Variants in ELN observed in about 807,000 individuals in gnomAD.
The protein encoded by ELN is elastin, also known as tropoelastin.
In ELN, 65 loss-of-function variants were observed where a neutral mutation model predicts 105.8. That is an observed-to-expected ratio of 0.61 (90% CI 0.50 to 0.75). The LOEUF is 0.75. Ranked by LOEUF, ELN falls within the 30% of genes least tolerant of loss-of-function variation. The pLI, the probability that ELN is intolerant of heterozygous loss-of-function variation, is 0.00. For synonymous variants in ELN, 368 were observed against 389.2 expected, an observed-to-expected ratio of 0.95 and a Z score of 0.64; for missense variants, 882 against 969.4, an observed-to-expected ratio of 0.91 and a Z score of 1.20.
intron 26 of ELN, among the ~76,000 whole-genome samples, chr7:74,062,849 C>T (rs1322645047): frequency 6.6e-6 from 1 of 152,174 alleles, no homozygotes. Flanking sequence ...CCGCACCCGG[C>T]TTACAAAAGA....
At chr7:74,052,936 GA>G (rs1239421107) in intron 17 of ELN, 1 of 593,986 alleles carries the variant, frequency 1.7e-6, no homozygotes, top group Non-Finnish European at 3.0e-6. Context: ...AAAAGAAAAA[GA>G]AAGAGATCAC....
At position 74,045,381 on chromosome 7, in the gene ELN, C is replaced by G. The variant is rs531494246; in HGVS notation, c.541+88C>G. ...GTGTGAAATGGGGTGGGATCCTGGACTGGCTCAGGGCCCTCTGGGTGACAC... is the reference window on the plus strand; with the variant it reads ...GTGTGAAATGGGGTGGGATCCTGGAGTGGCTCAGGGCCCTCTGGGTGACAC... On this transcript the variant is annotated intron_variant, in intron 10 of 32. Transcript: ENST00000252034. 3 of 1,479,480 alleles carry G rather than the reference C, an allele frequency of 2.0e-6. No homozygotes were observed. The African/African-American group carries it at 4.1e-5, about 20-fold the overall frequency. The allele number at this position is 1,479,480 out of a possible 1,614,324, so 91.6% of individuals were successfully genotyped here.
intron 1 of ELN, among the ~76,000 whole-genome samples, chr7:74,031,798 A>AGAGAGAGAGAGAGAGAGAAAG (rs1414600441): frequency 1.4e-5 from 2 of 146,524 alleles, no homozygotes; most frequent in Non-Finnish European, 3.0e-5. Flanking sequence ...AAAGAAAGAA[A>AGAGAGAGAGAGAGAGAGAAAG]GAGAGAGAGA....
chr7:74,029,438 G>A lies in ELN; in HGVS notation c.82+1169G>A, dbSNP rs535541761. Reference sequence around the variant, plus strand: ...ACGGGGGAGGACAGAAGAGGCTCCCGGGCATGGGAAAAAGGAGGGCATTTG... The same window carrying A: ...ACGGGGGAGGACAGAAGAGGCTCCCAGGCATGGGAAAAAGGAGGGCATTTG... On this transcript the variant is annotated intron_variant, in intron 1 of 32. Coordinates refer to ENST00000252034, the MANE Select transcript of ELN (RefSeq NM_000501.4). Among the ~76,000 whole-genome samples, 9 of 152,184 alleles carry A rather than the reference G, an allele frequency of 5.9e-5. No homozygotes were observed. The East Asian group carries it at 7.7e-4, about 13-fold the overall frequency.
intron 32 of ELN, among the ~76,000 whole-genome samples, chr7:74,068,056 T>C (rs1445802676): frequency 6.6e-6 from 1 of 151,650 alleles, no homozygotes; most frequent in African/African-American, 2.4e-5. Flanking sequence ...GGTTAGGAAC[T>C]GCTCCGGGCC....
chr7:74,046,798 A>G (rs782351025), intron 12 of ELN, 31 bp downstream of exon 12: 1 of 1,612,780 alleles, frequency 6.2e-7, no homozygotes, highest in East Asian at 2.2e-5. Flanking sequence ...AAGATGCACC[A>G]CTCGGCCGGG....
Position 74,056,673 on chromosome 7 carries a change from C to G in ELN, c.1317C>G (p.Pro439=). Residue 439 remains proline, a splice_region_variant and synonymous_variant, in exon 21 of 33, where the codon CCC becomes CCG. Coordinates refer to ENST00000252034, the MANE Select transcript of ELN (RefSeq NM_000501.4). ...TCTTTCTTTCTCGTTTCCTTGTAGC[C>G]GAAGCTCAGGCAGCAGCTGCCGCCA... ...VGGVPGVGIS[P]EAQAAAAAKA... The G allele has an allele frequency of 1.2e-6, 2 of 1,613,792 alleles. No homozygotes were observed. Among genetic ancestry groups the G allele is most frequent in the Non-Finnish European group, 1.7e-6 (2 of 1,180,038 alleles).
chr7:74,046,382 C>T (rs1554672207), intron 11 of ELN, among the ~76,000 whole-genome samples, 165 bp downstream of exon 11: 1 of 152,170 alleles, frequency 6.6e-6, no homozygotes, highest in Non-Finnish European at 1.5e-5. Flanking sequence ...CCATCCCAGG[C>T]CTGCTCCCCC....
At chr7:74,065,073 CCA>C (rs1797645773) in intron 29 of ELN, among the ~76,000 whole-genome samples, 1 of 151,074 alleles carries the variant, frequency 6.6e-6, no homozygotes, top group Non-Finnish European at 1.5e-5. Flanking sequence ...AGACCCCCCC[CCA>C]CCACCACCTC....
In ELN at chr7:74,042,534, G is replaced by A. The variant is rs891958572; in HGVS notation, c.233-80G>A. 8 of 1,322,056 alleles carry A rather than the reference G, an allele frequency of 6.1e-6. No individual in the cohort carries two copies. The Admixed American group carries it at 8.9e-5, about 15-fold the overall frequency. The allele number at this position is 1,322,056 out of a possible 1,614,324, so 81.9% of individuals were successfully genotyped here. On this transcript the variant is annotated intron_variant, in intron 5 of 32. Coordinates refer to ENST00000252034, the MANE Select transcript of ELN (RefSeq NM_000501.4). ...GCCTCCAATGTGCTTCCTGAGTGGG[G>A]CACAGCCAGGCAGGGCCAGAGCGTA...
rs781899576 is a variant in ELN, at chr7:74,057,492, G to A, written c.1358-148G>A. 2.5e-6 allele frequency: 4 copies of A among 1,581,324 alleles called. No homozygotes were observed. The Admixed American group carries it at 7.1e-5, about 28-fold the overall frequency. ...AGGTGAGCTGTGTCTCCAGCCCAGA[G>A]ATGGGTTTGGTTTGTCTCATGGAAG... On this transcript the variant is annotated intron_variant, in intron 21 of 32. Transcript: ENST00000252034.
chr7:74,035,222 T>C (rs1554664716), intron 1 of ELN, 142 bp from the exon 2 acceptor site: 3 of 807,238 alleles, frequency 3.7e-6, no homozygotes, highest in Non-Finnish European at 6.3e-6. Context: ...ACAAGCAATG[T>C]CATTATTGCC....
In ELN at chr7:74,057,680, C is replaced by T; in HGVS notation, c.1398C>T (p.Ala466=). 6.2e-7 allele frequency: 1 copy of T among 1,613,602 alleles called. No individual in the cohort carries two copies. Among genetic ancestry groups the T allele is most frequent in the South Asian group, 1.1e-5 (1 of 91,034 alleles). The change falls in exon 22 of 33, where the codon GCC becomes GCT. Residue 466 remains alanine, a synonymous_variant. Coordinates refer to ENST00000252034, the MANE Select transcript of ELN (RefSeq NM_000501.4). ...CAGCTGCAGCTGCTAAAGCAGCCGC[C>T]AAAGCCGCCCAGTTTGGTAAGTCCC... is the stretch of plus-strand genomic sequence containing the variant. ...TPAAAAAKAA[A]KAAQFGLVPG... is the part of the protein sequence containing the mutation.
chr7:74,036,479 C>A lies in ELN; in HGVS notation c.134-76C>A, dbSNP rs1789970102. 4 of 1,597,030 alleles carry A rather than the reference C, an allele frequency of 2.5e-6. No individual in the cohort carries two copies. The South Asian group carries it at 4.4e-5, about 18-fold the overall frequency. On this transcript the variant is annotated intron_variant, in intron 2 of 32. Transcript: ENST00000252034. ...CGTAGTTAGGCAGAGGTGGATTCAG[C>A]CATAGCTGGGGGTGGCAGCGGGCTT...
chr7:74,063,614 T>A lies in ELN; in HGVS notation c.1919-7T>A, dbSNP rs782294948. The A allele has an allele frequency of 1.9e-6, 3 of 1,614,042 alleles. No homozygotes were observed. Among genetic ancestry groups the A allele is most frequent in the Non-Finnish European group, 2.5e-6 (3 of 1,180,042 alleles). ...CAGCGGAGTCTAATGCTCAGCTGTC[T>A]CCACAGGCCTAGTGGGAGCCGCTGG... On this transcript the variant is annotated splice_region_variant and splice_polypyrimidine_tract_variant and intron_variant, in intron 28 of 32. Transcript: ENST00000252034. This position sits in a 1 kb window ranked among gnomAD's most constrained non-coding sequence, Gnocchi z 4.1.
rs141346927 is a variant in ELN, at chr7:74,039,735, G to A, written c.197-1481G>A. On this transcript the variant is annotated intron_variant, in intron 4 of 32. Coordinates refer to ENST00000252034, the MANE Select transcript of ELN (RefSeq NM_000501.4). The stretch of plus-strand genomic sequence containing the variant: ...ACTGGGAGCACCCACTGTGTGCCCT[G>A]GGTAGGTTGCACAACTAGGTGCTTT... Among the ~76,000 whole-genome samples the A allele has an allele frequency of 8.7e-3, 1,331 of 152,356 alleles. 5 individuals carry two copies. The highest frequency in any genetic ancestry group is 0.017 in the Admixed American group (257 of 15,302).
At chr7:74,039,308 C>T (rs1790648224) in intron 4 of ELN, among the ~76,000 whole-genome samples, 1 of 152,208 alleles carries the variant, frequency 6.6e-6, no homozygotes, top group African/African-American at 2.4e-5. Flanking sequence ...AAAGTCAGAG[C>T]ATCTCCTTCT....
At chr7:74,052,089 A>G in intron 17 of ELN, 106 bp downstream of exon 17, 1 of 1,286,858 alleles carries the variant, frequency 7.8e-7, no homozygotes, top group Admixed American at 1.8e-5. Context: ...CTTCCCAAAT[A>G]TGCATTGTTC....
chr7:74,066,896 C>A lies in ELN; in HGVS notation c.2131+120C>A, dbSNP rs992777878. The A allele has an allele frequency of 4.7e-6, 5 of 1,068,052 alleles. No individual in the cohort carries two copies. In the African/African-American group the frequency reaches 6.3e-5, roughly 13 times the overall value. 66.2% of individuals were successfully genotyped at this position (1,068,052 alleles called of 1,614,324 possible). ...CAGCACCCAGGGGTGGACCCCACAG[C>A]CTCAGGTCACACGAGGCTGGACCCC... is the stretch of plus-strand genomic sequence containing the variant. On this transcript the variant is annotated intron_variant, in intron 32 of 32. Transcript: ENST00000252034.
Sources: gnomAD v4.1 joint callset for allele counts (sites outside exome capture counted in the v4.1 genomes callset) on GRCh38, gnomAD v4.1.1 for gene constraint, Gnocchi (gnomAD v3.1) non-coding constraint, MANE v1.5 for transcripts, NCBI Gene and HGNC (gene_info 2026-07-23, HGNC 2026-07-21) for gene names.